FBXL20: variants seen among roughly 807,000 people sequenced by gnomAD.
The protein encoded by FBXL20 is F-box/LRR-repeat protein 20.
Under a neutral mutation model 64.0 loss-of-function variants are expected in FBXL20, and 11 were observed. The ratio of observed to expected loss-of-function variants is 0.17; its 90% CI spans 0.11 to 0.28. The LOEUF (loss-of-function observed/expected upper bound fraction) is 0.28, where lower values mean the gene tolerates loss of function less well. Among genes scored for constraint, FBXL20 ranks in the 10% least tolerant of loss-of-function variants. The pLI is 1.00. For synonymous variants in FBXL20, 184 were observed against 189.0 expected, an observed-to-expected ratio of 0.97 and a Z score of 0.22; for missense variants, 303 against 526.2, an observed-to-expected ratio of 0.58 and a Z score of 4.15.
At chr17:39,267,921 C>CA (rs869285001) in intron 12 of FBXL20, among the ~76,000 whole-genome samples, 19 of 152,162 alleles carry the variant, frequency 1.2e-4, no homozygotes, top group African/African-American at 4.6e-4. Flanking sequence ...GCCTATAAAA[C>CA]AAAAAATTTT....
chr17:39,395,524 A>G (rs1235771340), intron 1 of FBXL20, among the ~76,000 whole-genome samples: 1 of 152,244 alleles, frequency 6.6e-6, no homozygotes, highest in South Asian at 2.1e-4. Flanking sequence ...GGGTCCAAAA[A>G]GCCCAGGCCT....
At chr17:39,297,560 A>G (rs994687196) in intron 5 of FBXL20, 1 of 162,582 alleles carries the variant, frequency 6.2e-6, no homozygotes, top group South Asian at 1.7e-4. Context: ...TAGGGATCAG[A>G]GAGCTTCTGG....
intron 3 of FBXL20, among the ~76,000 whole-genome samples, chr17:39,302,374 C>CAT: frequency 1.5e-5 from 2 of 129,946 alleles, no homozygotes; most frequent in East Asian, 4.5e-4. Flanking sequence ...CCGCATTTGG[C>CAT]TTTTTTTTTT....
intron 2 of FBXL20, among the ~76,000 whole-genome samples, chr17:39,305,610 G>A (rs1453424597): frequency 6.6e-6 from 1 of 152,300 alleles, no homozygotes; most frequent in African/African-American, 2.4e-5. Flanking sequence ...ACCATTTTGG[G>A]ATGTGAGGGC....
Position 39,337,134 on chromosome 17 carries a change from C to T in FBXL20, c.104+6046G>A, listed in dbSNP as rs548948112. On this transcript the variant is annotated intron_variant, in intron 2 of 14. Transcript: ENST00000264658. Reference sequence around the variant, plus strand: ...CCGAGTGCCTGGGATTGCAGGCGCGCGCCGCCACGCCTGACTGGTTTTCGT... The same window carrying T: ...CCGAGTGCCTGGGATTGCAGGCGCGTGCCGCCACGCCTGACTGGTTTTCGT... Among the ~76,000 whole-genome samples, 37 of 152,228 alleles carry T rather than the reference C, an allele frequency of 2.4e-4. No individual in the cohort carries two copies. In the South Asian group the frequency reaches 6.0e-3, roughly 25 times the overall value.
chr17:39,386,018 C>T (rs1372311904), intron 1 of FBXL20, among the ~76,000 whole-genome samples: 3 of 115,850 alleles, frequency 2.6e-5, no homozygotes, highest in African/African-American at 3.9e-5. Flanking sequence ...AACAGAGATT[C>T]CGTCTCAAAA....
At chr17:39,280,030 A>G (rs1463175668) in intron 9 of FBXL20, among the ~76,000 whole-genome samples, 2 of 151,702 alleles carry the variant, frequency 1.3e-5, no homozygotes, top group Non-Finnish European at 1.5e-5. Flanking sequence ...AAAATACAAA[A>G]ATTACCAGCC....
intron 2 of FBXL20, among the ~76,000 whole-genome samples, chr17:39,309,715 C>G (rs1242843148): frequency 6.7e-6 from 1 of 150,290 alleles, no homozygotes; most frequent in African/African-American, 2.5e-5. Flanking sequence ...TTGTTTGAAC[C>G]TGCGAGGCGC....
chr17:39,283,570 C>A (rs1180541667), intron 7 of FBXL20, among the ~76,000 whole-genome samples: 1 of 152,008 alleles, frequency 6.6e-6, no homozygotes, highest in Non-Finnish European at 1.5e-5. Context: ...CAAGTAGCAC[C>A]CAGCTGCATT....
intron 1 of FBXL20, among the ~76,000 whole-genome samples, chr17:39,369,694 G>A (rs573660621): frequency 6.6e-6 from 1 of 152,108 alleles, no homozygotes; most frequent in Non-Finnish European, 1.5e-5. Context: ...CTGTTGCCCA[G>A]GCTGTAGTGG....
chr17:39,268,968 G>T, intron 11 of FBXL20, 97 bp from the exon 12 acceptor site: 1 of 1,088,304 alleles, frequency 9.2e-7, no homozygotes, highest in Non-Finnish European at 1.4e-6. Context: ...TATTAAATAC[G>T]TTGATAAATT....
intron 8 of FBXL20, 92 bp from the exon 9 acceptor site, chr17:39,281,555 A>G: frequency 9.8e-7 from 1 of 1,019,628 alleles, no homozygotes; most frequent in Non-Finnish European, 1.5e-6. Flanking sequence ...CATACATTCT[A>G]ATACAGCCAA....
Position 39,299,763 on chromosome 17 carries a change from A to G in FBXL20, c.235-679T>C, listed in dbSNP as rs376870513. 3.9e-5 allele frequency among the ~76,000 whole-genome samples: 6 copies of G among 152,054 alleles called. No individual in the cohort carries two copies. In the East Asian group the frequency reaches 5.8e-4, roughly 15 times the overall value. ...GCTCCACTGCACTCCAGCCTGGGCGACAAAGCGAGACTCTGTCTCAAAACA... is the reference window on the plus strand; with the variant it reads ...GCTCCACTGCACTCCAGCCTGGGCGGCAAAGCGAGACTCTGTCTCAAAACA... On this transcript the variant is annotated intron_variant, in intron 4 of 14. Coordinates refer to ENST00000264658, the MANE Select transcript of FBXL20 (RefSeq NM_032875.3).
chr17:39,324,172 C>T (rs2047387368), intron 2 of FBXL20, among the ~76,000 whole-genome samples: 2 of 150,040 alleles, frequency 1.3e-5, no homozygotes, highest in South Asian at 4.1e-4. Context: ...GAATCAACTG[C>T]ATCAGTATAC....
At chr17:39,338,226 C>G (rs1311850737) in intron 2 of FBXL20, among the ~76,000 whole-genome samples, 2 of 152,218 alleles carry the variant, frequency 1.3e-5, no homozygotes, top group African/African-American at 4.8e-5. Flanking sequence ...TCCTGTTGAT[C>G]TGTGACCTTA....
intron 1 of FBXL20, among the ~76,000 whole-genome samples, chr17:39,382,542 CA>C (rs1284173092): frequency 6.6e-6 from 1 of 151,724 alleles, no homozygotes; most frequent in African/African-American, 2.4e-5. Context: ...TTTTCAAAAC[CA>C]GGGGAAAGCC....
intron 1 of FBXL20, among the ~76,000 whole-genome samples, chr17:39,363,773 T>C (rs1159200142): frequency 2.4e-5 from 3 of 126,416 alleles, no homozygotes; most frequent in Admixed American, 9.7e-5. Flanking sequence ...ATCTGGCCAC[T>C]GTACTCCAGC....
intron 2 of FBXL20, among the ~76,000 whole-genome samples, chr17:39,322,135 G>A (rs2047362275): frequency 7.9e-6 from 1 of 125,802 alleles, no homozygotes; most frequent in Non-Finnish European, 1.6e-5. Context: ...TGATCAGCCT[G>A]GAAAACATAG....
At chr17:39,279,295 T>C (rs1256541738) in intron 9 of FBXL20, among the ~76,000 whole-genome samples, 2 of 151,788 alleles carry the variant, frequency 1.3e-5, no homozygotes. Flanking sequence ...GCCCAGACAT[T>C]TGAGACCAGC....
Sources: gnomAD v4.1 joint callset for allele counts (sites outside exome capture counted in the v4.1 genomes callset) on GRCh38, gnomAD v4.1.1 for gene constraint, MANE v1.5 for transcripts, NCBI Gene and HGNC (gene_info 2026-07-23, HGNC 2026-07-21) for gene names.